Variants in TMEM25 observed in about 807,000 individuals in gnomAD.
TMEM25 encodes transmembrane protein 25, also known as 0610039J01Rik.
In TMEM25, 36 loss-of-function variants were observed where a neutral mutation model predicts 37.0. That is an observed-to-expected ratio of 0.97 (90% CI 0.75 to 1.28). The LOEUF (loss-of-function observed/expected upper bound fraction) is 1.28. Among genes scored for constraint, TMEM25 ranks in the 50% most tolerant of loss-of-function variants. The pLI is 0.00. For missense variants in TMEM25, 444 were observed against 477.9 expected (o/e 0.93, Z 0.66); for synonymous variants, 197 against 203.7 (o/e 0.97, Z 0.28).
intron 6 of TMEM25, 41 bp from the exon 7 acceptor site, chr11:118,533,988 G>A (rs1555061458): frequency 6.2e-7 from 1 of 1,611,374 alleles, no homozygotes. Flanking sequence ...GAGTGCCTGT[G>A]CCGGGACTCA....
intron 1 of TMEM25, 63 bp from the exon 2 acceptor site, chr11:118,531,712 C>A: frequency 1.6e-6 from 2 of 1,221,688 alleles, no homozygotes; most frequent in Non-Finnish European, 2.3e-6. Context: ...AGAGTAAATT[C>A]CTGGAGCAAT....
chr11:118,534,378 CCCT>C lies in TMEM25; in HGVS notation c.1027+31_1027+33del, dbSNP rs1342666133. The C allele has an allele frequency of 3.1e-6, 5 of 1,612,716 alleles. No homozygotes were observed. In the East Asian group the frequency reaches 8.9e-5, roughly 29 times the overall value. On this transcript the variant is annotated intron_variant, in intron 8 of 8. Coordinates refer to ENST00000313236, the MANE Select transcript of TMEM25 (RefSeq NM_032780.4). This position sits in a 1 kb window ranked among gnomAD's most constrained non-coding sequence, Gnocchi z 4.6. ...AAGGTACTGGGGAAGGGGCCTGCCA[CCCT>C]CCTCCTCTGCCCCCCAGCCCTGTGC...
chr11:118,534,124 CCA>C lies in TMEM25; in HGVS notation c.933_934del (p.Arg312SerfsTer50), dbSNP rs782592350. The C allele has an allele frequency of 2.7e-5, 43 of 1,614,124 alleles. No individual in the cohort carries two copies. Among genetic ancestry groups the C allele is most frequent in the Admixed American group, 2.3e-4 (14 of 60,016 alleles). On this transcript the variant is annotated frameshift_variant, in exon 7 of 9. Transcript: ENST00000313236. LOFTEE classifies it high-confidence loss of function. The surrounding 1 kb of genome is among the most constrained non-coding windows in gnomAD (Gnocchi z 4.6). The stretch of plus-strand genomic sequence containing the variant: ...CAGCTCAATGACCTCACTCCAGATT[CCA>C]GAGGTATATCTAGGGCCCTGCTCTT...
At chr11:118,540,881 A>T (rs775675775) in intron 8 of TMEM25, among the ~76,000 whole-genome samples, 1 of 152,188 alleles carries the variant, frequency 6.6e-6, no homozygotes, top group East Asian at 1.9e-4. Context: ...GACTCCATTT[A>T]TATGAAATGT....
chr11:118,540,397 G>A (rs1322915483), downstream of TMEM25, among the ~76,000 whole-genome samples: 1 of 152,188 alleles, frequency 6.6e-6, no homozygotes, highest in African/African-American at 2.4e-5. Flanking sequence ...CTGATTTTGC[G>A]TGTGAGCTCC....
chr11:118,534,860 G>C lies in TMEM25; in HGVS notation c.*280G>C, dbSNP rs1279629369. On this transcript the variant is annotated 3_prime_UTR_variant, in exon 9 of 9. Transcript: ENST00000313236. The surrounding 1 kb of genome is among the most constrained non-coding windows in gnomAD (Gnocchi z 4.6). ...CATGTGATGACTGGGCCCTTCCAGA[G>C]GGAGCTCTTTGGCCAGGGGTGTTCA... 1 of 1,311,926 alleles carries C rather than the reference G, an allele frequency of 7.6e-7. No homozygotes were observed. The highest frequency in any genetic ancestry group is 3.3e-5 in the Admixed American group (1 of 30,616). 81.3% of individuals were successfully genotyped at this position (1,311,926 alleles called of 1,614,324 possible). A position where few individuals can be genotyped will look rare whatever the true frequency, so the allele number is the denominator to read the frequency against.
At chr11:118,531,418 T>G (rs1252199329) in intron 1 of TMEM25, 184 bp downstream of exon 1, 3 of 399,058 alleles carry the variant, frequency 7.5e-6, no homozygotes, top group Non-Finnish European at 1.4e-5. Flanking sequence ...AGAATAGGAT[T>G]AGGAGAAAGG....
rs1951475985 is a variant in TMEM25 at position 118,535,167 on chromosome 11, C to T, written c.*587C>T. The T allele has an allele frequency of 9.5e-7, 1 of 1,049,392 alleles. No homozygotes were observed. The highest frequency in any genetic ancestry group is 1.1e-6 in the Non-Finnish European group (1 of 871,742). The allele number at this position is 1,049,392 out of a possible 1,614,324, so 65.0% of individuals were successfully genotyped here. A position where few individuals can be genotyped will look rare whatever the true frequency, so the allele number is the denominator to read the frequency against. Reference sequence around the variant, plus strand: ...CCTTTTTGCTGCACACGTCTCTGCCCTTCACTTCTTCTCTTCTGTCCCCAC... The same window carrying T: ...CCTTTTTGCTGCACACGTCTCTGCCTTTCACTTCTTCTCTTCTGTCCCCAC... On this transcript the variant is annotated 3_prime_UTR_variant, in exon 9 of 9. Transcript: ENST00000313236.
chr11:118,544,295 C>T (rs1951624371), intron 8 of TMEM25, among the ~76,000 whole-genome samples: 1 of 152,134 alleles, frequency 6.6e-6, no homozygotes, highest in Non-Finnish European at 1.5e-5. Flanking sequence ...AGCCAGACAG[C>T]CTCAGGAAGG....
chr11:118,537,906 C>T (rs956569371), downstream of TMEM25, among the ~76,000 whole-genome samples: 3 of 152,040 alleles, frequency 2.0e-5, no homozygotes, highest in Middle Eastern at 6.8e-3. Flanking sequence ...CAAAAATTAG[C>T]TGGGCGTGGT....
downstream of TMEM25, among the ~76,000 whole-genome samples, chr11:118,539,133 T>C (rs1951546170): frequency 6.6e-6 from 1 of 151,918 alleles, no homozygotes; most frequent in South Asian, 2.1e-4. Flanking sequence ...TTTTTGTTTT[T>C]GTTGCTGTGC....
chr11:118,535,528 A>G lies in TMEM25; in HGVS notation c.*948A>G. On this transcript the variant is annotated 3_prime_UTR_variant, in exon 9 of 9. Transcript: ENST00000313236. ...CTCAGCATGTCTCCTCCACCACGGG[A>G]CCCCAGCCCTGACCAACCCATGGTT... 5.2e-6 allele frequency: 8 copies of G among 1,532,802 alleles called. No individual in the cohort carries two copies. The highest frequency in any genetic ancestry group is 1.4e-5 in the African/African-American group (1 of 72,906). The allele number at this position is 1,532,802 out of a possible 1,614,324, so 95.0% of individuals were successfully genotyped here.
chr11:118,532,880 C>A, intron 3 of TMEM25, 37 bp from the exon 4 acceptor site: 2 of 1,585,026 alleles, frequency 1.3e-6, no homozygotes, highest in South Asian at 1.2e-5. Context: ...GTATGAGGGG[C>A]TGTGGTGAGA....
At chr11:118,546,223 G>A (rs374693245) in exon 9 of TMEM25, 431 of 715,108 alleles carry the variant, frequency 6.0e-4, no homozygotes, top group Non-Finnish European at 9.8e-4. Context: ...TTGGTGGGGC[G>A]TGGTGGCTTC....
At position 118,534,760 on chromosome 11, in the gene TMEM25, C is replaced by G; in HGVS notation, c.*180C>G. On this transcript the variant is annotated 3_prime_UTR_variant, in exon 9 of 9. Transcript: ENST00000313236. This position sits in a 1 kb window ranked among gnomAD's most constrained non-coding sequence, Gnocchi z 4.6. ...TGATGCATTTCACTGGGCTGTAACC[C>G]GCAGGGGCACAGGTATCTTTGGCAA... The G allele has an allele frequency of 4.9e-6, 7 of 1,425,554 alleles. No homozygotes were observed. Among genetic ancestry groups the G allele is most frequent in the Non-Finnish European group, 6.4e-6 (7 of 1,090,242 alleles). 88.3% of individuals were successfully genotyped at this position (1,425,554 alleles called of 1,614,324 possible).
At chr11:118,539,620 T>C (rs1951552118), downstream of TMEM25, among the ~76,000 whole-genome samples, 1 of 152,172 alleles carries the variant, frequency 6.6e-6, no homozygotes, top group Admixed American at 6.5e-5. Context: ...AGTTTCGTTC[T>C]TCTGCAGGTG....
chr11:118,534,302 A>G lies in TMEM25; in HGVS notation c.974A>G (p.Asn325Ser), dbSNP rs1555061844. ...KPADRQMAQN[N>S]SRPELLDPEP... ...GCAGACCGGCAGATGGCTCAGAACA[A>G]CAGCCGGCCAGAGCTTCTGGACCCG... Residue 325 changes from asparagine (N) to serine (S), a missense_variant, in exon 8 of 9, where the codon AAC becomes AGC. Coordinates refer to ENST00000313236, the MANE Select transcript of TMEM25 (RefSeq NM_032780.4). This position sits in a 1 kb window ranked among gnomAD's most constrained non-coding sequence, Gnocchi z 4.6. 33 of 1,614,162 alleles carry G rather than the reference A, an allele frequency of 2.0e-5. No homozygotes were observed. Among genetic ancestry groups the G allele is most frequent in the Middle Eastern group, 1.6e-4 (1 of 6,062 alleles).
At chr11:118,540,721 G>A (rs782664150), downstream of TMEM25, among the ~76,000 whole-genome samples, 1 of 152,206 alleles carries the variant, frequency 6.6e-6, no homozygotes, top group Non-Finnish European at 1.5e-5. Context: ...TGGAGAAGTT[G>A]ATGAAAGCCA....
chr11:118,540,626 T>C (rs1291732911), downstream of TMEM25, among the ~76,000 whole-genome samples: 2 of 152,170 alleles, frequency 1.3e-5, no homozygotes, highest in Non-Finnish European at 2.9e-5. Context: ...CAGTAGGGGG[T>C]GGACTGGCAA....
Sources: gnomAD v4.1 joint callset for allele counts (sites outside exome capture counted in the v4.1 genomes callset) on GRCh38, gnomAD v4.1.1 for gene constraint, Gnocchi (gnomAD v3.1) non-coding constraint, MANE v1.5 for transcripts, NCBI Gene and HGNC (gene_info 2026-07-23, HGNC 2026-07-21) for gene names.